LUZP1: variants seen among roughly 807,000 people sequenced by gnomAD.
The protein encoded by LUZP1 is leucine zipper protein 1, also known as filamin mechanobinding actin cross-linking protein.
In LUZP1, 25 loss-of-function variants were observed where a neutral mutation model predicts 71.3. The ratio of observed to expected loss-of-function variants is 0.35; its 90% CI spans 0.26 to 0.49. The LOEUF is 0.49. Among genes scored for constraint, LUZP1 ranks in the 20% least tolerant of loss-of-function variants. LUZP1 has a pLI of 0.99. For synonymous variants in LUZP1, 481 were observed against 506.4 expected, an observed-to-expected ratio of 0.95 and a Z score of 0.67; for missense variants, 1,142 against 1,300.8, an observed-to-expected ratio of 0.88 and a Z score of 1.88.
intron 2 of LUZP1, among the ~76,000 whole-genome samples, chr1:23,111,052 T>C (rs572920984): frequency 3.3e-5 from 5 of 151,660 alleles, no homozygotes; most frequent in Non-Finnish European, 5.9e-5. Flanking sequence ...ATACAAAAAT[T>C]AGCTGGGCAT....
intron 2 of LUZP1, among the ~76,000 whole-genome samples, chr1:23,118,852 T>C (rs991011653): frequency 1.3e-5 from 2 of 152,226 alleles, no homozygotes; most frequent in Non-Finnish European, 2.9e-5. Context: ...GTCTCCAAAA[T>C]GGTAACTAAA....
chr1:23,104,465 T>G lies in LUZP1; in HGVS notation c.-120+4557A>C, dbSNP rs374375945. On this transcript the variant is annotated intron_variant, in intron 3 of 4. Coordinates refer to ENST00000302291, the Ensembl canonical transcript of LUZP1. ...TCCCAAAGTGCTGGGATTACAGGTG[T>G]GAGCCACCACGCCTGGCCCAATGGT... Among the ~76,000 whole-genome samples, 14 of 152,264 alleles carry G rather than the reference T, an allele frequency of 9.2e-5. No individual in the cohort carries two copies. The South Asian group carries it at 2.7e-3, about 29-fold the overall frequency.
At chr1:23,120,510 C>G (rs1469192368) in intron 2 of LUZP1, among the ~76,000 whole-genome samples, 5 of 151,446 alleles carry the variant, frequency 3.3e-5, no homozygotes, top group African/African-American at 1.2e-4. Context: ...CCAAAATGCC[C>G]AGCTAATTTT....
chr1:23,099,961 C>T (rs759935758), intron 3 of LUZP1, among the ~76,000 whole-genome samples: 3 of 152,138 alleles, frequency 2.0e-5, no homozygotes, highest in Non-Finnish European at 4.4e-5. Context: ...AGTTTGATTC[C>T]TTCTCATTTC....
At chr1:23,112,188 G>A (rs1020853624) in intron 2 of LUZP1, among the ~76,000 whole-genome samples, 13 of 152,164 alleles carry the variant, frequency 8.5e-5, no homozygotes, top group East Asian at 1.9e-4. Flanking sequence ...CTTCCTCAGC[G>A]TACTTGCCCT....
intron 2 of LUZP1, among the ~76,000 whole-genome samples, chr1:23,119,492 T>G (rs1270583959): frequency 6.6e-6 from 1 of 152,176 alleles, no homozygotes; most frequent in Admixed American, 6.6e-5. Context: ...ACTGCTTCAT[T>G]TCTCCAGGCC....
intron 2 of LUZP1, chr1:23,109,505 G>C (rs1644011201): frequency 6.6e-6 from 1 of 152,264 alleles, no homozygotes; most frequent in African/African-American, 2.4e-5. Flanking sequence ...TCCCTGATCT[G>C]AAAATCCCAA....
chr1:23,171,409 C>T (rs1326167078), intron 1 of LUZP1, among the ~76,000 whole-genome samples: 3 of 152,194 alleles, frequency 2.0e-5, no homozygotes, highest in Non-Finnish European at 2.9e-5. Flanking sequence ...CTGGGGTCAG[C>T]GTGTAGTTCT....
At chr1:23,176,411 C>T (rs182303281) in intron 1 of LUZP1, among the ~76,000 whole-genome samples, 70 of 152,280 alleles carry the variant, frequency 4.6e-4, no homozygotes, top group African/African-American at 1.6e-3. Flanking sequence ...AAGACCTGTC[C>T]AAATGAATGC....
intron 2 of LUZP1, among the ~76,000 whole-genome samples, chr1:23,137,554 C>G (rs571541090): frequency 2.6e-5 from 4 of 152,122 alleles, no homozygotes; most frequent in Admixed American, 6.5e-5. Flanking sequence ...GGCAGGAGAA[C>G]TGCTTGAACT....
intron 2 of LUZP1, among the ~76,000 whole-genome samples, chr1:23,146,740 T>C (rs1481121226): frequency 1.3e-5 from 2 of 152,048 alleles, no homozygotes; most frequent in Non-Finnish European, 2.9e-5. Context: ...AAGGCTGCAG[T>C]GAGCAGTGAT....
chr1:23,114,044 CAG>C (rs1271778195), intron 2 of LUZP1, among the ~76,000 whole-genome samples: 4 of 151,684 alleles, frequency 2.6e-5, no homozygotes, highest in Admixed American at 6.6e-5. Context: ...ATGGAGATGA[CAG>C]AGGAAAGAGT....
rs1255222337 is a variant in LUZP1, at chr1:23,090,714, C to T, written c.3072+476G>A. On this transcript the variant is annotated intron_variant, in intron 4 of 4. Coordinates refer to ENST00000302291, the Ensembl canonical transcript of LUZP1. ...CCCGGCTCTCCTCATCCCTGAGAGG[C>T]CAGCAGCCTGTGAAGATCTGCTAAC... The T allele has an allele frequency of 2.2e-5, 14 of 625,550 alleles. No homozygotes were observed. The East Asian group carries it at 3.6e-4, about 16-fold the overall frequency. 38.7% of individuals were successfully genotyped at this position (625,550 alleles called of 1,614,324 possible).
At chr1:23,129,153 G>A (rs1255303846) in intron 2 of LUZP1, among the ~76,000 whole-genome samples, 2 of 152,208 alleles carry the variant, frequency 1.3e-5, no homozygotes, top group Admixed American at 1.3e-4. Context: ...AGAAGCTACT[G>A]GGATTGTGTG....
chr1:23,092,592 T>A, exon 4 of LUZP1: 1 of 1,614,112 alleles, frequency 6.2e-7, no homozygotes, highest in Non-Finnish European at 8.5e-7. Context: ...ACAGCCAGAG[T>A]TTGCAGCCTG....
intron 2 of LUZP1, among the ~76,000 whole-genome samples, chr1:23,157,930 T>G (rs1341096637): frequency 6.6e-6 from 1 of 152,008 alleles, no homozygotes; most frequent in African/African-American, 2.4e-5. Context: ...GAGGATCGCT[T>G]GAGCCCAGGA....
intron 2 of LUZP1, among the ~76,000 whole-genome samples, chr1:23,118,184 T>C (rs1178508625): frequency 6.6e-6 from 1 of 151,392 alleles, no homozygotes; most frequent in Non-Finnish European, 1.5e-5. Context: ...GGTGGATCAC[T>C]TGAGGTCAGG....
chr1:23,148,651 T>C (rs1644360359), intron 2 of LUZP1, among the ~76,000 whole-genome samples: 1 of 152,184 alleles, frequency 6.6e-6, no homozygotes, highest in Non-Finnish European at 1.5e-5. Flanking sequence ...ATTATTTTTC[T>C]GTGACAGAAT....
At chr1:23,175,913 G>C (rs1471983054) in intron 1 of LUZP1, among the ~76,000 whole-genome samples, 1 of 152,192 alleles carries the variant, frequency 6.6e-6, no homozygotes, top group African/African-American at 2.4e-5. Flanking sequence ...GAGCCTCAGA[G>C]AGGGTAAGGA....
Sources: allele counts gnomAD v4.1 joint callset (sites outside exome capture counted in the v4.1 genomes callset), GRCh38; gene constraint gnomAD v4.1.1; transcripts MANE v1.5; gene names NCBI Gene and HGNC (gene_info 2026-07-23, HGNC 2026-07-21).